TRAPPC10: variants seen among roughly 807,000 people sequenced by gnomAD.
TRAPPC10 encodes trafficking protein particle complex subunit 10, also known as TRAPP 130 kDa subunit.
In TRAPPC10, 23 loss-of-function variants were observed where a neutral mutation model predicts 125.5. The observed-to-expected ratio is 0.18, with a 90% CI of 0.13 to 0.26. TRAPPC10 has a LOEUF of 0.26. TRAPPC10 is among the 10% of genes least tolerant of loss of function. TRAPPC10 has a pLI of 1.00. For missense variants in TRAPPC10, 1,123 were observed against 1,308.4 expected, an observed-to-expected ratio of 0.86 and a Z score of 2.19; for synonymous variants, 509 against 518.0, an observed-to-expected ratio of 0.98 and a Z score of 0.24.
At chr21:44,065,108 A>T (rs1349528170) in intron 7 of TRAPPC10, among the ~76,000 whole-genome samples, 1 of 152,150 alleles carries the variant, frequency 6.6e-6, no homozygotes, top group South Asian at 2.1e-4. Flanking sequence ...GAGGGGGGAA[A>T]ATTGAAGTAT....
intron 1 of TRAPPC10, among the ~76,000 whole-genome samples, chr21:44,031,516 C>G (rs557278501): frequency 6.6e-6 from 1 of 152,332 alleles, no homozygotes; most frequent in South Asian, 2.1e-4. Flanking sequence ...CGTTGGCCCT[C>G]AAAGCTGACT....
At chr21:44,022,588 A>G (rs563880957) in intron 1 of TRAPPC10, among the ~76,000 whole-genome samples, 2 of 151,168 alleles carry the variant, frequency 1.3e-5, no homozygotes, top group South Asian at 4.2e-4. Flanking sequence ...TGCTGGGATT[A>G]CATGTGTGAG....
At chr21:44,034,735 G>T (rs930622422) in intron 2 of TRAPPC10, among the ~76,000 whole-genome samples, 1 of 152,152 alleles carries the variant, frequency 6.6e-6, no homozygotes, top group African/African-American at 2.4e-5. Flanking sequence ...CTTCAATTAG[G>T]GTAGACCCTG....
chr21:44,072,557 G>A (rs1398127563), intron 7 of TRAPPC10, among the ~76,000 whole-genome samples: 2 of 152,128 alleles, frequency 1.3e-5, no homozygotes, highest in Admixed American at 6.6e-5. Flanking sequence ...TCCGCCTCCC[G>A]GGTTCAAATG....
At position 44,094,316 on chromosome 21, in the gene TRAPPC10, A is replaced by AT. The variant is rs1249901507; in HGVS notation, c.3168+83_3168+84insT. 3.1e-6 allele frequency: 4 copies of AT among 1,297,094 alleles called. No homozygotes were observed. In the East Asian group the frequency reaches 7.0e-5, roughly 23 times the overall value. The allele number at this position is 1,297,094 out of a possible 1,614,324, so 80.3% of individuals were successfully genotyped here. On this transcript the variant is annotated intron_variant, in intron 20 of 22. Transcript: ENST00000291574. Reference sequence around the variant, plus strand: ...TTCTTTATAATCTGAAGAACTGAATAGACAGCTTCTGTCAACATAATGAAG... The same window carrying AT: ...TTCTTTATAATCTGAAGAACTGAATATGACAGCTTCTGTCAACATAATGAAG...
chr21:44,040,912 G>A (rs1030468099), intron 3 of TRAPPC10, among the ~76,000 whole-genome samples: 1 of 151,914 alleles, frequency 6.6e-6, no homozygotes, highest in Non-Finnish European at 1.5e-5. Flanking sequence ...CACTGCGCCC[G>A]GCCGCCATAG....
At chr21:44,016,469 TC>T (rs1319502029) in intron 1 of TRAPPC10, among the ~76,000 whole-genome samples, 3 of 152,170 alleles carry the variant, frequency 2.0e-5, no homozygotes, top group Admixed American at 2.0e-4. Context: ...GTACCCTCCC[TC>T]TAGGTGATCT....
chr21:44,065,046 A>G (rs2036336991), intron 7 of TRAPPC10, among the ~76,000 whole-genome samples: 1 of 152,146 alleles, frequency 6.6e-6, no homozygotes, highest in Non-Finnish European at 1.5e-5. Context: ...CTCTCTGTTC[A>G]TGTGTACCTA....
chr21:44,077,800 C>G lies in TRAPPC10; in HGVS notation c.1469+16C>G, dbSNP rs1443913965. 2 of 1,578,080 alleles carry G rather than the reference C, an allele frequency of 1.3e-6. No individual in the cohort carries two copies. Among genetic ancestry groups the G allele is most frequent in the Admixed American group, 3.4e-5 (2 of 59,222 alleles). On this transcript the variant is annotated intron_variant, in intron 11 of 22. Coordinates refer to ENST00000291574, the MANE Select transcript of TRAPPC10 (RefSeq NM_003274.5). ...AGTTTTACATGTAATTGATTTTGTA[C>G]TTTTCTTTGAATTCTAAACATACAA...
intron 3 of TRAPPC10, among the ~76,000 whole-genome samples, chr21:44,049,473 T>G (rs1441705208): frequency 6.6e-6 from 1 of 152,148 alleles, no homozygotes; most frequent in Non-Finnish European, 1.5e-5. Context: ...ACAGACTTCC[T>G]CCTCACCTCA....
Position 44,086,938 on chromosome 21 carries a change from T to C in TRAPPC10, c.2517T>C (p.Ala839=), listed in dbSNP as rs1131999. ...MLILCQAESR[A]VVYSNTREQS... is the part of the protein sequence containing the mutation. The stretch of plus-strand genomic sequence containing the variant: ...TCCTGTGCCAGGCGGAGAGCAGGGC[T>C]GTGGTCTACTCCAACACGAGAGGTG... The change falls in exon 16 of 23, where the codon GCT becomes GCC. Residue 839 remains alanine, a synonymous_variant. Coordinates refer to ENST00000291574, the MANE Select transcript of TRAPPC10 (RefSeq NM_003274.5). The C allele has an allele frequency of 0.22, 361,260 of 1,613,950 alleles. 52,940 individuals are homozygous for C. Among genetic ancestry groups the C allele is most frequent in the African/African-American group, 0.7 (52,162 of 74,964 alleles).
intron 7 of TRAPPC10, among the ~76,000 whole-genome samples, chr21:44,066,377 C>T (rs532087555): frequency 2.0e-5 from 3 of 152,262 alleles, no homozygotes; most frequent in South Asian, 4.1e-4. Context: ...ACTAGCCTTG[C>T]GCACTCCCTT....
chr21:44,037,387 C>T (rs537217454), intron 2 of TRAPPC10, among the ~76,000 whole-genome samples: 3 of 152,266 alleles, frequency 2.0e-5, no homozygotes, highest in South Asian at 2.1e-4. Context: ...TCCAAAAATA[C>T]GAATGCAACC....
Position 44,063,704 on chromosome 21 carries a change from C to G in TRAPPC10, c.957C>G (p.Leu319=). Residue 319 remains leucine, a synonymous_variant, in exon 7 of 23, where the codon CTC becomes CTG. Coordinates refer to ENST00000291574, the MANE Select transcript of TRAPPC10 (RefSeq NM_003274.5). The surrounding 1 kb of genome is among the most constrained non-coding windows in gnomAD (Gnocchi z 4.4). The stretch of plus-strand genomic sequence containing the variant: ...TCTCTCGCCAGTGCACCTTGCTGCT[C>G]TTCCTGCAGAGGCCGTGGGAGGTGG... The part of the protein sequence containing the change: ...YLFSRQCTLL[L]FLQRPWEVAQ... The G allele has an allele frequency of 1.2e-6, 2 of 1,614,184 alleles. No homozygotes were observed. The highest frequency in any genetic ancestry group is 8.5e-7 in the Non-Finnish European group (1 of 1,180,034).
At chr21:44,091,860 G>A in intron 18 of TRAPPC10, 63 bp from the exon 19 acceptor site, 1 of 1,526,782 alleles carries the variant, frequency 6.5e-7, no homozygotes, top group Non-Finnish European at 9.0e-7. Flanking sequence ...CCTTAACAAA[G>A]CTAAGATATA....
chr21:44,076,697 CT>C lies in TRAPPC10; in HGVS notation c.1377+70del. On this transcript the variant is annotated intron_variant, in intron 10 of 22. Coordinates refer to ENST00000291574, the MANE Select transcript of TRAPPC10 (RefSeq NM_003274.5). ...TCTCTAGAAGGCTTTGCTACATGGCCTGTTGAGTTGGGAAGGAACTGGTGTG... is the reference window on the plus strand; with the variant it reads ...TCTCTAGAAGGCTTTGCTACATGGCCGTTGAGTTGGGAAGGAACTGGTGTG... The C allele has an allele frequency of 8.7e-6, 12 of 1,374,720 alleles. No individual in the cohort carries two copies. In the South Asian group the frequency reaches 1.4e-4, roughly 16 times the overall value. 85.2% of individuals were successfully genotyped at this position (1,374,720 alleles called of 1,614,324 possible).
rs375320062 is a variant in TRAPPC10 at position 44,025,302 on chromosome 21, A to C, written c.68-6789A>C. On this transcript the variant is annotated intron_variant, in intron 1 of 22. Coordinates refer to ENST00000291574, the MANE Select transcript of TRAPPC10 (RefSeq NM_003274.5). ...TGAACAAAGCCAGTGGCAAAGGGGAAGTCTGGGGAAAGACCAGTTTGGGAA... is the reference window on the plus strand; with the variant it reads ...TGAACAAAGCCAGTGGCAAAGGGGACGTCTGGGGAAAGACCAGTTTGGGAA... Among the ~76,000 whole-genome samples, 4 of 152,356 alleles carry C rather than the reference A, an allele frequency of 2.6e-5. No individual in the cohort carries two copies. The East Asian group carries it at 7.7e-4, about 29-fold the overall frequency.
chr21:44,090,782 C>G (rs1399207864), intron 18 of TRAPPC10, among the ~76,000 whole-genome samples: 1 of 152,172 alleles, frequency 6.6e-6, no homozygotes, highest in Non-Finnish European at 1.5e-5. Flanking sequence ...AACGTCAGAC[C>G]CATGTTTAGA....
chr21:44,083,066 C>A lies in TRAPPC10; in HGVS notation c.2002C>A (p.Gln668Lys), dbSNP rs2037871421. ...CGAGACCGCACCTTTCCCTGTATCC[C>A]AAAACAGTTTGCCCGCGCTGGAGTT... ...PPETAPFPVS[Q>K]NSLPALELYE... Residue 668 changes from glutamine (Q) to lysine (K), a missense_variant, in exon 14 of 23, where the codon CAA becomes AAA. Physicochemically the swap from Gln to Lys is moderately conservative, Grantham distance 53 (BLOSUM62 1). Transcript: ENST00000291574. The A allele has an allele frequency of 1.2e-6, 2 of 1,613,934 alleles. No individual in the cohort carries two copies. Among genetic ancestry groups the A allele is most frequent in the Admixed American group, 1.7e-5 (1 of 59,992 alleles).
Sources: gnomAD v4.1 joint callset for allele counts (sites outside exome capture counted in the v4.1 genomes callset) on GRCh38, gnomAD v4.1.1 for gene constraint, Gnocchi (gnomAD v3.1) non-coding constraint, MANE v1.5 for transcripts, NCBI Gene and HGNC (gene_info 2026-07-23, HGNC 2026-07-21) for gene names.